VWC2: variants seen among roughly 807,000 people sequenced by gnomAD.
The protein encoded by VWC2 is von Willebrand factor C domain containing 2, also known as brorin.
A neutral mutation model predicts 29.8 loss-of-function variants in VWC2; 14 were observed. The ratio of observed to expected loss-of-function variants is 0.47; its 90% CI spans 0.31 to 0.74. The LOEUF is 0.74. Among genes scored for constraint, VWC2 ranks in the 30% least tolerant of loss-of-function variants. The pLI is 0.05. For synonymous variants in VWC2, 213 were observed against 199.0 expected (o/e 1.07, Z -0.59); for missense variants, 457 against 459.8 (o/e 0.99, Z 0.05).
At position 49,915,589 on chromosome 7, in the gene VWC2, C is replaced by T. The variant is rs1411188579; in HGVS notation, c.*3404C>T. 6.6e-6 allele frequency: 1 copy of T among 152,050 alleles called. No homozygotes were observed. The highest frequency in any genetic ancestry group is 2.4e-5 in the African/African-American group (1 of 41,420). 9.4% of individuals were successfully genotyped at this position (152,050 alleles called of 1,614,324 possible). A position where few individuals can be genotyped will look rare whatever the true frequency, so the allele number is the denominator to read the frequency against. ...AGTGAAATGGGTTTTTAAATGTATA[C>T]ATTATCTGAAACTTACAAAATATAC... On this transcript the variant is annotated 3_prime_UTR_variant, in exon 4 of 4. Coordinates refer to ENST00000340652, the MANE Select transcript of VWC2 (RefSeq NM_198570.5).
chr7:49,781,144 A>G (rs770031838), intron 2 of VWC2, among the ~76,000 whole-genome samples: 2 of 152,188 alleles, frequency 1.3e-5, no homozygotes, highest in Non-Finnish European at 2.9e-5. Flanking sequence ...AGGCTAATGC[A>G]TGTACTGTTG....
rs1229096935 is a variant in VWC2 at position 49,919,129 on chromosome 7, G to C, written c.*6944G>C. 1 of 151,806 alleles carries C rather than the reference G, an allele frequency of 6.6e-6. No individual in the cohort carries two copies. Among genetic ancestry groups the C allele is most frequent in the African/African-American group, 2.4e-5 (1 of 41,296 alleles). The allele number at this position is 151,806 out of a possible 1,614,324, so 9.4% of individuals were successfully genotyped here. ...CCAAAGCTATCCTACATGGGGCACAGTCAGGACTGGAATGGATAGCTCTAC... is the reference window on the plus strand; with the variant it reads ...CCAAAGCTATCCTACATGGGGCACACTCAGGACTGGAATGGATAGCTCTAC... On this transcript the variant is annotated 3_prime_UTR_variant, in exon 4 of 4. Coordinates refer to ENST00000340652, the MANE Select transcript of VWC2 (RefSeq NM_198570.5).
intron 3 of VWC2, among the ~76,000 whole-genome samples, chr7:49,879,261 C>T (rs1300919633): frequency 6.6e-6 from 1 of 152,132 alleles, no homozygotes; most frequent in Non-Finnish European, 1.5e-5. Context: ...AATTGAAATT[C>T]TGTCAGATAA....
chr7:49,811,512 C>A (rs1789005299), intron 3 of VWC2, among the ~76,000 whole-genome samples: 1 of 152,190 alleles, frequency 6.6e-6, no homozygotes, highest in South Asian at 2.1e-4. Context: ...TTGTAAGTTT[C>A]CTGAGGCCTC....
intron 3 of VWC2, among the ~76,000 whole-genome samples, chr7:49,884,127 T>G (rs897717395): frequency 2.6e-5 from 4 of 152,198 alleles, no homozygotes; most frequent in Non-Finnish European, 4.4e-5. Context: ...AAGGGGTTCC[T>G]GCAGTGGCCC....
At chr7:49,879,436 T>A (rs1161587718) in intron 3 of VWC2, among the ~76,000 whole-genome samples, 1 of 152,200 alleles carries the variant, frequency 6.6e-6, no homozygotes, top group Admixed American at 6.5e-5. Flanking sequence ...GGTTTATATG[T>A]GCAGGTACCA....
intron 3 of VWC2, among the ~76,000 whole-genome samples, chr7:49,900,678 A>G (rs964190584): frequency 3.3e-5 from 5 of 151,836 alleles, no homozygotes; most frequent in Non-Finnish European, 7.4e-5. Context: ...TCCTTCCAAA[A>G]CAGGAAGCAC....
At chr7:49,892,033 T>TG (rs1335374686) in intron 3 of VWC2, among the ~76,000 whole-genome samples, 901 of 9,322 alleles carry the variant, frequency 0.097, 33 homozygotes, top group African/African-American at 0.19. Context: ...CAAAGTAGAT[T>TG]TTTTTTTTTT....
chr7:49,806,386 T>C (rs1056398095), intron 3 of VWC2, among the ~76,000 whole-genome samples: 40 of 152,216 alleles, frequency 2.6e-4, no homozygotes, highest in Admixed American at 2.0e-3. Flanking sequence ...AAAGGTGGAA[T>C]ATGGTATCCA....
At chr7:49,833,227 G>C (rs938569038) in intron 3 of VWC2, among the ~76,000 whole-genome samples, 7 of 152,220 alleles carry the variant, frequency 4.6e-5, no homozygotes, top group African/African-American at 1.7e-4. Flanking sequence ...AGGTAGTGGA[G>C]GGAGATGCAG....
chr7:49,848,583 A>G (rs990611931), intron 3 of VWC2, among the ~76,000 whole-genome samples: 1 of 152,216 alleles, frequency 6.6e-6, no homozygotes, highest in African/African-American at 2.4e-5. Context: ...GCTCCTCTCT[A>G]GCTGCTCTCA....
intron 2 of VWC2, among the ~76,000 whole-genome samples, chr7:49,776,987 A>T (rs1200520795): frequency 6.6e-6 from 1 of 152,226 alleles, no homozygotes; most frequent in Non-Finnish European, 1.5e-5. Context: ...CTCTACTTGA[A>T]CCAAAAGCCC....
intron 3 of VWC2, among the ~76,000 whole-genome samples, chr7:49,819,085 A>C (rs1789210981): frequency 6.6e-6 from 1 of 152,194 alleles, no homozygotes; most frequent in Non-Finnish European, 1.5e-5. Context: ...ACACCTTGGC[A>C]TCCAACAGCT....
intron 3 of VWC2, among the ~76,000 whole-genome samples, chr7:49,863,498 C>G (rs1790750593): frequency 6.6e-6 from 1 of 152,150 alleles, no homozygotes; most frequent in African/African-American, 2.4e-5. Context: ...ATGGCATGAT[C>G]TCAGCTCACT....
rs996187762 is a variant in VWC2, at chr7:49,912,399, C to G, written c.*214C>G. 2.1e-6 allele frequency: 1 copy of G among 480,196 alleles called. No individual in the cohort carries two copies. The highest frequency in any genetic ancestry group is 3.7e-6 in the Non-Finnish European group (1 of 273,422). 29.7% of individuals were successfully genotyped at this position (480,196 alleles called of 1,614,324 possible). On this transcript the variant is annotated 3_prime_UTR_variant, in exon 4 of 4. Transcript: ENST00000340652. ...CAAGAACTTTGGGCATAAAATCCTT[C>G]TCTAAATAAATGTGCTATTTTCACA...
chr7:49,892,031 A>ATTGT (rs1792154268), intron 3 of VWC2, among the ~76,000 whole-genome samples: 3 of 53,288 alleles, frequency 5.6e-5, no homozygotes, highest in African/African-American at 2.2e-4. Context: ...GACAAAGTAG[A>ATTGT]TTTTTTTTTT....
intron 3 of VWC2, among the ~76,000 whole-genome samples, chr7:49,874,433 G>A (rs957091256): frequency 3.3e-5 from 5 of 151,564 alleles, no homozygotes; most frequent in African/African-American, 1.2e-4. Context: ...TGTGTAGAAG[G>A]CTGTACTATC....
At position 49,900,327 on chromosome 7, in the gene VWC2, T is replaced by A. The variant is rs551959387; in HGVS notation, c.827-11707T>A. 2.1e-4 allele frequency among the ~76,000 whole-genome samples: 32 copies of A among 151,806 alleles called. No individual in the cohort carries two copies. In the East Asian group the frequency reaches 5.8e-3, roughly 28 times the overall value. On this transcript the variant is annotated intron_variant, in intron 3 of 3. Coordinates refer to ENST00000340652, the MANE Select transcript of VWC2 (RefSeq NM_198570.5). ...CCAAAGAAAATAAATGGAGCAGTAA[T>A]CTATTAATTTAAAACAGGAAAACAA...
chr7:49,865,481 A>C (rs1790844207), intron 3 of VWC2, among the ~76,000 whole-genome samples: 1 of 152,200 alleles, frequency 6.6e-6, no homozygotes, highest in Non-Finnish European at 1.5e-5. Flanking sequence ...TGCTTTTGTA[A>C]GTGGCTGATA....
Sources: allele counts gnomAD v4.1 joint callset (sites outside exome capture counted in the v4.1 genomes callset), GRCh38; gene constraint gnomAD v4.1.1; transcripts MANE v1.5; gene names NCBI Gene and HGNC (gene_info 2026-07-23, HGNC 2026-07-21).